REDIC1: variants seen among roughly 807,000 people sequenced by gnomAD.
The protein encoded by REDIC1 is HEI10 Interacting Protein 1.
the REDIC1 span, among the ~76,000 whole-genome samples, chr12:39,903,054 A>G: frequency 2.0e-5 from 3 of 152,160 alleles, no homozygotes; most frequent in South Asian, 6.2e-4. Flanking sequence ...AGTATGACTC[A>G]GAATTAAAAG....
chr12:39,665,426 T>A, the REDIC1 span, among the ~76,000 whole-genome samples: 1 of 151,544 alleles, frequency 6.6e-6, no homozygotes, highest in South Asian at 2.1e-4. Flanking sequence ...TGTTCCATTG[T>A]TCTATATCTC....
chr12:39,870,742 A>G, the REDIC1 span, among the ~76,000 whole-genome samples: 1 of 152,160 alleles, frequency 6.6e-6, no homozygotes, highest in African/African-American at 2.4e-5. Flanking sequence ...ACTGCAGTTC[A>G]GCACACATTA....
the REDIC1 span, among the ~76,000 whole-genome samples, chr12:39,668,261 G>T: frequency 6.6e-6 from 1 of 151,932 alleles, no homozygotes; most frequent in Admixed American, 6.5e-5. Context: ...GGGCAGGCCT[G>T]GTGGTGACAA....
the REDIC1 span, chr12:39,830,078 T>G: frequency 1.2e-6 from 2 of 1,612,978 alleles, no homozygotes; most frequent in Non-Finnish European, 1.7e-6. Flanking sequence ...TATTATATAT[T>G]CGTATGGTAA....
chr12:39,680,455 A>G, the REDIC1 span, among the ~76,000 whole-genome samples: 2 of 152,220 alleles, frequency 1.3e-5, no homozygotes, highest in African/African-American at 4.8e-5. Flanking sequence ...AAGAATGGTC[A>G]TAATTAAAAA....
At chr12:39,785,488 C>G in the REDIC1 span, among the ~76,000 whole-genome samples, 8 of 152,164 alleles carry the variant, frequency 5.3e-5, no homozygotes, top group African/African-American at 1.9e-4. Context: ...GGGGCGAGGC[C>G]CTCATGGAGA....
At chr12:39,764,744 A>G in the REDIC1 span, 1 of 1,612,476 alleles carries the variant, frequency 6.2e-7, no homozygotes, top group Non-Finnish European at 8.5e-7. Flanking sequence ...TACCAGGTGC[A>G]AAGAAGACAA....
At chr12:39,829,990 T>C in the REDIC1 span, 2 of 1,301,132 alleles carry the variant, frequency 1.5e-6, no homozygotes, top group South Asian at 2.5e-5. Context: ...AGTAATGTAG[T>C]TATGAAGGCC....
At chr12:39,742,212 T>C in the REDIC1 span, among the ~76,000 whole-genome samples, 1 of 152,322 alleles carries the variant, frequency 6.6e-6, no homozygotes, top group South Asian at 2.1e-4. Context: ...TAGCAGTCAG[T>C]ACAGTGACTA....
the REDIC1 span, among the ~76,000 whole-genome samples, chr12:39,840,306 A>G: frequency 1.3e-5 from 2 of 151,848 alleles, no homozygotes; most frequent in African/African-American, 4.8e-5. Flanking sequence ...GGCTCTTCCA[A>G]TAGTCTTCTA....
At chr12:39,847,851 GCAAGTCTACC>G in the REDIC1 span, among the ~76,000 whole-genome samples, 1 of 152,032 alleles carries the variant, frequency 6.6e-6, no homozygotes, top group African/African-American at 2.4e-5. Context: ...TTCTGAAAAA[GCAAGTCTACC>G]CAAGTCTCCA....
chr12:39,848,451 T>C, the REDIC1 span, among the ~76,000 whole-genome samples: 62 of 152,140 alleles, frequency 4.1e-4, no homozygotes, highest in Non-Finnish European at 6.5e-4. Context: ...ATTAGAGAAA[T>C]GCAAATCAAA....
chr12:39,754,087 T>C, the REDIC1 span, among the ~76,000 whole-genome samples: 1 of 152,142 alleles, frequency 6.6e-6, no homozygotes, highest in Admixed American at 6.5e-5. Flanking sequence ...TCTATCTGCC[T>C]GGGTCTGAAA....
At chr12:39,738,388 G>C in the REDIC1 span, among the ~76,000 whole-genome samples, 4 of 152,280 alleles carry the variant, frequency 2.6e-5, no homozygotes, top group South Asian at 6.2e-4. Context: ...CAAAGTGAAT[G>C]CATAAAAACT....
chr12:39,712,816 C>T, the REDIC1 span, among the ~76,000 whole-genome samples: 3 of 144,376 alleles, frequency 2.1e-5, no homozygotes, highest in African/African-American at 5.0e-5. Context: ...TACTCGTATA[C>T]ATGTGTGTAT....
At chr12:39,653,024 A>G in the REDIC1 span, among the ~76,000 whole-genome samples, 1 of 152,010 alleles carries the variant, frequency 6.6e-6, no homozygotes, top group South Asian at 2.1e-4. Context: ...AATTCCATAT[A>G]AATTTTAGGA....
the REDIC1 span, among the ~76,000 whole-genome samples, chr12:39,711,326 A>G: frequency 3.4e-5 from 5 of 148,118 alleles, no homozygotes; most frequent in South Asian, 6.3e-4. Flanking sequence ...CCATATATGT[A>G]TAGATCACAT....
At chr12:39,724,164 G>C in the REDIC1 span, among the ~76,000 whole-genome samples, 2 of 152,060 alleles carry the variant, frequency 1.3e-5, no homozygotes, top group Admixed American at 6.6e-5. Context: ...GATGGGAATT[G>C]GTGGTTAAAT....
chr12:39,854,817 G>A, the REDIC1 span, among the ~76,000 whole-genome samples: 1 of 152,004 alleles, frequency 6.6e-6, no homozygotes, highest in Non-Finnish European at 1.5e-5. Flanking sequence ...TTTCTTGAAG[G>A]GCAAATCTGT....
Sources: gnomAD v4.1 joint callset for allele counts (sites outside exome capture counted in the v4.1 genomes callset) on GRCh38, gnomAD v4.1.1 for gene constraint, MANE v1.5 for transcripts, NCBI Gene and HGNC (gene_info 2026-07-23, HGNC 2026-07-21) for gene names.